Variants in TMEFF1 observed in about 807,000 individuals in gnomAD.
TMEFF1 encodes transmembrane protein with EGF like and two follistatin like domains 1, also known as tomoregulin-1.
TMEFF1 carries 20 observed loss-of-function variants against 47.5 expected under a neutral mutation model. The observed-to-expected ratio is 0.42, with a 90% CI of 0.30 to 0.61. TMEFF1 has a LOEUF of 0.61. Ranked by LOEUF, TMEFF1 falls within the 20% of genes least tolerant of loss-of-function variation. The probability of loss-of-function intolerance (pLI) is 0.19; values close to 1 mark genes in which losing one functional copy is unlikely to be tolerated. For missense variants in TMEFF1, 411 were observed against 471.1 expected, an observed-to-expected ratio of 0.87 and a Z score of 1.18; for synonymous variants, 162 against 166.3, an observed-to-expected ratio of 0.97 and a Z score of 0.20.
chr9:100,563,088 T>C (rs1587857325), intron 8 of TMEFF1, among the ~76,000 whole-genome samples: 1 of 152,172 alleles, frequency 6.6e-6, no homozygotes, highest in East Asian at 1.9e-4. Context: ...AGTGCTGGGA[T>C]TGCAGGTGTG....
intron 8 of TMEFF1, among the ~76,000 whole-genome samples, chr9:100,568,447 C>T (rs1330725007): frequency 6.6e-6 from 1 of 152,142 alleles, no homozygotes; most frequent in Non-Finnish European, 1.5e-5. Context: ...AGAAGGTGCC[C>T]TCTTTAAATG....
At chr9:100,569,225 T>C (rs1839181534) in intron 8 of TMEFF1, among the ~76,000 whole-genome samples, 1 of 152,190 alleles carries the variant, frequency 6.6e-6, no homozygotes, top group Non-Finnish European at 1.5e-5. Context: ...TATCTGACTT[T>C]TTGATTTAGG....
chr9:100,523,950 A>G (rs1400695282), intron 5 of TMEFF1, among the ~76,000 whole-genome samples: 4 of 152,186 alleles, frequency 2.6e-5, no homozygotes, highest in East Asian at 1.9e-4. Context: ...ATGTATGTAT[A>G]TATGCATTCA....
intron 4 of TMEFF1, among the ~76,000 whole-genome samples, chr9:100,516,245 A>C (rs973744824): frequency 2.0e-5 from 3 of 152,112 alleles, no homozygotes; most frequent in Non-Finnish European, 4.4e-5. Flanking sequence ...TGTGAGGAAA[A>C]GGTGAGAGTT....
intron 5 of TMEFF1, among the ~76,000 whole-genome samples, chr9:100,525,665 C>CT (rs1838241580): frequency 1.3e-5 from 2 of 152,174 alleles, no homozygotes; most frequent in Admixed American, 6.5e-5. Context: ...CCCCTGTCCC[C>CT]TTCCCAGAGG....
intron 7 of TMEFF1, among the ~76,000 whole-genome samples, chr9:100,557,608 G>C (rs1838937814): frequency 6.6e-6 from 1 of 152,028 alleles, no homozygotes; most frequent in South Asian, 2.1e-4. Flanking sequence ...TATGCTCTGA[G>C]TCTTAACTTA....
At chr9:100,540,682 C>A (rs1838612554) in intron 5 of TMEFF1, among the ~76,000 whole-genome samples, 1 of 152,236 alleles carries the variant, frequency 6.6e-6, no homozygotes, top group South Asian at 2.1e-4. Context: ...TCACCTCTCA[C>A]TACCAGCAGA....
At chr9:100,485,015 G>A (rs1463603301) in intron 1 of TMEFF1, among the ~76,000 whole-genome samples, 2 of 152,110 alleles carry the variant, frequency 1.3e-5, no homozygotes, top group African/African-American at 4.8e-5. Context: ...GTCTATTCTG[G>A]ACATTTCATA....
At chr9:100,540,237 G>C (rs1838603318) in intron 5 of TMEFF1, among the ~76,000 whole-genome samples, 2 of 151,676 alleles carry the variant, frequency 1.3e-5, no homozygotes, top group South Asian at 4.2e-4. Context: ...CACCGGATTA[G>C]CTAGACACAG....
At chr9:100,525,672 G>A (rs982941597) in intron 5 of TMEFF1, among the ~76,000 whole-genome samples, 1 of 152,178 alleles carries the variant, frequency 6.6e-6, no homozygotes, top group African/African-American at 2.4e-5. Context: ...CCCCTTCCCA[G>A]AGGTAGAAGA....
At chr9:100,520,936 AT>A (rs1838150048) in intron 5 of TMEFF1, among the ~76,000 whole-genome samples, 1 of 152,108 alleles carries the variant, frequency 6.6e-6, no homozygotes, top group African/African-American at 2.4e-5. Flanking sequence ...TGGGTTCTAT[AT>A]CTGTTTTTTA....
chr9:100,560,355 GCA>G (rs1838992070), intron 7 of TMEFF1, among the ~76,000 whole-genome samples: 1 of 152,124 alleles, frequency 6.6e-6, no homozygotes, highest in Non-Finnish European at 1.5e-5. Flanking sequence ...CGGCTGTAGT[GCA>G]CAGAGTCTGT....
intron 1 of TMEFF1, among the ~76,000 whole-genome samples, chr9:100,485,410 T>C (rs1837430232): frequency 6.6e-6 from 1 of 152,252 alleles, no homozygotes; most frequent in Non-Finnish European, 1.5e-5. Flanking sequence ...TAAAACTCTA[T>C]GTTTAACATT....
intron 5 of TMEFF1, among the ~76,000 whole-genome samples, chr9:100,523,457 T>C (rs1007733336): frequency 2.0e-5 from 3 of 152,308 alleles, no homozygotes; most frequent in Admixed American, 2.0e-4. Context: ...GCCTATAAGG[T>C]TGGGTATCTT....
intron 2 of TMEFF1, among the ~76,000 whole-genome samples, chr9:100,506,035 TAA>T (rs1437121717): frequency 6.6e-6 from 1 of 152,182 alleles, no homozygotes; most frequent in Non-Finnish European, 1.5e-5. Flanking sequence ...CTTCCTAAAA[TAA>T]AAATATAATT....
At chr9:100,574,716 C>G (rs1839314996) in intron 9 of TMEFF1, among the ~76,000 whole-genome samples, 1 of 152,118 alleles carries the variant, frequency 6.6e-6, no homozygotes, top group African/African-American at 2.4e-5. Context: ...AGAAACAATT[C>G]TGAGTTCAAC....
At chr9:100,506,460 C>T (rs951503808) in intron 2 of TMEFF1, among the ~76,000 whole-genome samples, 15 of 151,700 alleles carry the variant, frequency 9.9e-5, no homozygotes, top group Non-Finnish European at 1.9e-4. Flanking sequence ...ATACATAATA[C>T]GTTTAAAAAT....
chr9:100,509,228 C>T, intron 3 of TMEFF1, 94 bp downstream of exon 3: 1 of 1,360,472 alleles, frequency 7.4e-7, no homozygotes, highest in Admixed American at 3.4e-5. Flanking sequence ...TCCACAACTG[C>T]TGTGTGGATT....
At chr9:100,557,105 A>G (rs1476776632) in intron 7 of TMEFF1, among the ~76,000 whole-genome samples, 1 of 150,746 alleles carries the variant, frequency 6.6e-6, no homozygotes, top group Non-Finnish European at 1.5e-5. Flanking sequence ...CTGGTATCCA[A>G]TTAATTATTT....
Sources: allele counts gnomAD v4.1 joint callset (sites outside exome capture counted in the v4.1 genomes callset), GRCh38; gene constraint gnomAD v4.1.1; transcripts MANE v1.5; gene names NCBI Gene and HGNC (gene_info 2026-07-23, HGNC 2026-07-21).